TMEM178B: variants seen among roughly 807,000 people sequenced by gnomAD.
The protein encoded by TMEM178B is transmembrane protein 178B.
A neutral mutation model predicts 31.0 loss-of-function variants in TMEM178B; 5 were observed. The observed-to-expected ratio is 0.16, with a 90% CI of 0.08 to 0.34. TMEM178B has a LOEUF of 0.34. Ranked by LOEUF, TMEM178B falls within the 10% of genes least tolerant of loss-of-function variation. The pLI, the probability that TMEM178B is intolerant of heterozygous loss-of-function variation, is 1.00. For missense variants in TMEM178B, 275 were observed against 400.3 expected (o/e 0.69, Z 2.67); for synonymous variants, 164 against 164.0 (o/e 1.00, Z 0.00).
intron 2 of TMEM178B, among the ~76,000 whole-genome samples, chr7:141,376,929 A>G (rs1800225137): frequency 6.6e-6 from 1 of 152,196 alleles, no homozygotes; most frequent in East Asian, 1.9e-4. Context: ...TAAAATGGAA[A>G]AGAAGAAATC....
chr7:141,338,560 C>A (rs1799464735), intron 2 of TMEM178B, among the ~76,000 whole-genome samples: 1 of 152,082 alleles, frequency 6.6e-6, no homozygotes, highest in Non-Finnish European at 1.5e-5. Flanking sequence ...ATTTTCTTAC[C>A]TTATTTAGAA....
At chr7:141,368,054 C>T (rs1800042512) in intron 2 of TMEM178B, among the ~76,000 whole-genome samples, 1 of 152,188 alleles carries the variant, frequency 6.6e-6, no homozygotes, top group Non-Finnish European at 1.5e-5. Context: ...CACAGTAGCT[C>T]ACGCCTGTAA....
chr7:141,312,770 G>T (rs1187797843), intron 2 of TMEM178B, among the ~76,000 whole-genome samples: 2 of 152,202 alleles, frequency 1.3e-5, no homozygotes, highest in Non-Finnish European at 1.5e-5. Flanking sequence ...GTCCATGGAG[G>T]GTGGTAAATG....
chr7:141,198,339 C>T (rs1796819222), intron 1 of TMEM178B, among the ~76,000 whole-genome samples: 1 of 152,158 alleles, frequency 6.6e-6, no homozygotes, highest in African/African-American at 2.4e-5. Context: ...CCATCAGGTC[C>T]CAAAGCCACA....
chr7:141,392,618 G>A (rs1438290854), intron 2 of TMEM178B, among the ~76,000 whole-genome samples: 1 of 152,046 alleles, frequency 6.6e-6, no homozygotes, highest in Non-Finnish European at 1.5e-5. Context: ...TTTTTAATGT[G>A]CACAAATGTC....
At chr7:141,173,430 C>T (rs1448339886) in intron 1 of TMEM178B, among the ~76,000 whole-genome samples, 1 of 152,130 alleles carries the variant, frequency 6.6e-6, no homozygotes, top group Admixed American at 6.5e-5. Context: ...GTCAGTTACT[C>T]CCTGACCACG....
intron 2 of TMEM178B, among the ~76,000 whole-genome samples, chr7:141,287,092 C>T (rs778455304): frequency 2.6e-5 from 4 of 151,828 alleles, no homozygotes; most frequent in African/African-American, 7.3e-5. Context: ...TCTGTTTTTT[C>T]GCCCTCCTTC....
intron 1 of TMEM178B, among the ~76,000 whole-genome samples, chr7:141,139,394 C>A (rs1033864263): frequency 3.3e-5 from 5 of 152,066 alleles, no homozygotes; most frequent in African/African-American, 1.2e-4. Context: ...CTGTTTTGCC[C>A]AAGCTGGAGT....
At chr7:141,508,116 A>C in the TMEM178B span, among the ~76,000 whole-genome samples, 1 of 152,196 alleles carries the variant, frequency 6.6e-6, no homozygotes, top group Non-Finnish European at 1.5e-5. Context: ...GAACACCTTT[A>C]ACAGTACCCA....
At chr7:141,437,795 A>G in intron 3 of TMEM178B, 50 bp downstream of exon 3, 4 of 1,533,604 alleles carry the variant, frequency 2.6e-6, no homozygotes, top group Non-Finnish European at 3.5e-6. Flanking sequence ...GGTCCTGTTT[A>G]CCACAATTTG....
chr7:141,485,798 T>C, the TMEM178B span, among the ~76,000 whole-genome samples: 1 of 152,238 alleles, frequency 6.6e-6, no homozygotes, highest in Admixed American at 6.5e-5. Context: ...GTGATGCCAC[T>C]GATTGGGCTG....
chr7:141,327,069 G>T (rs1799204473), intron 2 of TMEM178B, among the ~76,000 whole-genome samples: 2 of 152,118 alleles, frequency 1.3e-5, no homozygotes, highest in South Asian at 4.1e-4. Context: ...CTGTGCCATT[G>T]TTCAAGCTGA....
At position 141,318,935 on chromosome 7, in the gene TMEM178B, CA is replaced by C. The variant is rs201694787; in HGVS notation, c.496+106240del. Among the ~76,000 whole-genome samples the C allele has an allele frequency of 1.9e-4, 28 of 145,628 alleles. No individual in the cohort carries two copies. Among genetic ancestry groups the C allele is most frequent in the African/African-American group, 5.1e-4 (20 of 39,562 alleles). On this transcript the variant is annotated intron_variant, in intron 2 of 3. Coordinates refer to ENST00000565468, the MANE Select transcript of TMEM178B (RefSeq NM_001195278.2). The surrounding 1 kb of genome is among the most constrained non-coding windows in gnomAD (Gnocchi z 4.1). ...AAGCTTGAATATGAGATATTTCTGC[CA>C]AAAAAAAATGAACAATTTTTACCAA...
rs1392333872 is a variant in TMEM178B at position 141,396,532 on chromosome 7, AG to A, written c.497-41075del. Among the ~76,000 whole-genome samples, 49 of 85,732 alleles carry A rather than the reference AG, an allele frequency of 5.7e-4. No individual in the cohort carries two copies. The South Asian group carries it at 0.01, about 18-fold the overall frequency. 56.2% of individuals were successfully genotyped at this position (85,732 alleles called of 152,430 possible). A position where few individuals can be genotyped will look rare whatever the true frequency, so the allele number is the denominator to read the frequency against. On this transcript the variant is annotated intron_variant, in intron 2 of 3. Coordinates refer to ENST00000565468, the MANE Select transcript of TMEM178B (RefSeq NM_001195278.2). ...TCTCATACTGCAGAGTGGAAAACAGAGCCTCAGAAAGATGAGGCGACAGCGC... is the reference window on the plus strand; with the variant it reads ...TCTCATACTGCAGAGTGGAAAACAGACCTCAGAAAGATGAGGCGACAGCGC...
At chr7:141,372,429 AC>A (rs1404569205) in intron 2 of TMEM178B, among the ~76,000 whole-genome samples, 1 of 151,934 alleles carries the variant, frequency 6.6e-6, no homozygotes. Flanking sequence ...CCTGTGAGTC[AC>A]CCTTCACCTC....
In TMEM178B at chr7:141,074,666, C is replaced by G. The variant is rs758557485; in HGVS notation, c.356C>G (p.Pro119Arg). The G allele has an allele frequency of 1.3e-6, 2 of 1,516,580 alleles. No homozygotes were observed. The highest frequency in any genetic ancestry group is 1.2e-5 in the South Asian group (1 of 82,304). The allele number at this position is 1,516,580 out of a possible 1,614,324, so 93.9% of individuals were successfully genotyped here. The change falls in exon 1 of 4, where the codon CCC (proline) becomes CGC (arginine). Residue 119 changes from proline (P) to arginine (R), a missense_variant. Transcript: ENST00000565468. The surrounding 1 kb of genome is among the most constrained non-coding windows in gnomAD (Gnocchi z 5.1). ...WRKCHRQGFD[P>R]EIAALIRKGE... ...AAGTGCCACCGGCAGGGCTTCGACC[C>G]CGAGATCGCCGCCCTCATTCGGAAA...
the TMEM178B span, among the ~76,000 whole-genome samples, chr7:141,487,002 G>A: frequency 6.6e-6 from 1 of 152,122 alleles, no homozygotes; most frequent in African/African-American, 2.4e-5. Context: ...CACAGATGCT[G>A]TGGTCCCTGG....
intron 2 of TMEM178B, among the ~76,000 whole-genome samples, chr7:141,226,525 T>C (rs1185309892): frequency 2.0e-5 from 3 of 152,138 alleles, no homozygotes; most frequent in Non-Finnish European, 2.9e-5. Context: ...ACAGCTACTG[T>C]TTAGCTTGGC....
intron 2 of TMEM178B, among the ~76,000 whole-genome samples, chr7:141,394,971 T>C (rs1800611468): frequency 6.6e-6 from 1 of 152,200 alleles, no homozygotes; most frequent in African/African-American, 2.4e-5. Context: ...TATGATCCCT[T>C]TGACCTTTCA....
Sources: gnomAD v4.1 joint callset for allele counts (sites outside exome capture counted in the v4.1 genomes callset) on GRCh38, gnomAD v4.1.1 for gene constraint, Gnocchi (gnomAD v3.1) non-coding constraint, MANE v1.5 for transcripts, NCBI Gene and HGNC (gene_info 2026-07-23, HGNC 2026-07-21) for gene names.